SBF2: variants seen among roughly 807,000 people sequenced by gnomAD.
SBF2 encodes the protein myotubularin-related protein 13.
Under a neutral mutation model 225.2 loss-of-function variants are expected in SBF2, and 112 were observed. That is an observed-to-expected ratio of 0.50 (90% confidence interval 0.43 to 0.58). The LOEUF (loss-of-function observed/expected upper bound fraction) is 0.58, where lower values mean the gene tolerates loss of function less well. Ranked by LOEUF, SBF2 falls within the 20% of genes least tolerant of loss-of-function variation. The pLI is 0.00. For synonymous variants in SBF2, 763 were observed against 773.3 expected, an observed-to-expected ratio of 0.99 and a Z score of 0.22; for missense variants, 1,996 against 2,206.2, an observed-to-expected ratio of 0.90 and a Z score of 1.91.
intron 2 of SBF2, among the ~76,000 whole-genome samples, chr11:10,058,616 C>G (rs900829757): frequency 1.5e-4 from 23 of 152,192 alleles, no homozygotes; most frequent in African/African-American, 5.5e-4. Flanking sequence ...TGAAAACTTC[C>G]CCAACCTTGT....
At chr11:9,916,751 A>T (rs1190256399) in intron 16 of SBF2, among the ~76,000 whole-genome samples, 1 of 151,844 alleles carries the variant, frequency 6.6e-6, no homozygotes, top group Non-Finnish European at 1.5e-5. Flanking sequence ...CATCTGGCTA[A>T]TTTTTAAATT....
At chr11:9,808,765 C>A in intron 31 of SBF2, 136 bp downstream of exon 31, 1 of 671,444 alleles carries the variant, frequency 1.5e-6, no homozygotes, top group Non-Finnish European at 2.6e-6. Context: ...TGATGGATAC[C>A]AGGTGCTGTT....
chr11:9,917,624 G>A lies in SBF2; in HGVS notation c.1861-21613C>T, dbSNP rs554495113. ...TGGGATTACAGGCATGAGCCACTGC[G>A]CCCAGCCACAAGTTTTTATTATTCT... On this transcript the variant is annotated intron_variant, in intron 16 of 39. Coordinates refer to ENST00000256190, the MANE Select transcript of SBF2 (RefSeq NM_030962.4). Among the ~76,000 whole-genome samples, 36 of 151,616 alleles carry A rather than the reference G, an allele frequency of 2.4e-4. 4 individuals carry two copies. Among genetic ancestry groups the A allele is most frequent in the African/African-American group, 8.5e-4 (35 of 41,046 alleles).
At chr11:9,942,901 GAGAAAGAAAGAA>G (rs1183181431) in intron 16 of SBF2, among the ~76,000 whole-genome samples, 53 of 101,380 alleles carry the variant, frequency 5.2e-4, no homozygotes, top group African/African-American at 1.7e-3. Context: ...AAGAGAGAGA[GAGAAAGAAAGAA>G]AGAAAGAAAG....
rs147947455 is a variant in SBF2, at chr11:10,011,635, CTT to C, written c.620-8948_620-8947del. 4.3e-3 allele frequency among the ~76,000 whole-genome samples: 657 copies of C among 152,272 alleles called. 18 individuals are homozygous for C. In the East Asian group the frequency reaches 0.062, roughly 14 times the overall value. ...AGACAGTTTTGCCAGTGACAGAATTCTTGTTTGGTATTTTTTTCTTTCAGTGC... is the reference window on the plus strand; with the variant it reads ...AGACAGTTTTGCCAGTGACAGAATTCGTTTGGTATTTTTTTCTTTCAGTGC... On this transcript the variant is annotated intron_variant, in intron 6 of 39. Transcript: ENST00000256190.
chr11:9,842,838 A>T, intron 24 of SBF2, 68 bp from the exon 25 acceptor site: 2 of 1,506,000 alleles, frequency 1.3e-6, no homozygotes, highest in Non-Finnish European at 1.8e-6. Context: ...GTTGACACCT[A>T]CTTAGCTCAA....
At chr11:9,871,279 G>A (rs1387072385) in intron 17 of SBF2, among the ~76,000 whole-genome samples, 1 of 151,412 alleles carries the variant, frequency 6.6e-6, no homozygotes, top group Non-Finnish European at 1.5e-5. Flanking sequence ...GAGTCTACAA[G>A]GAACTTAAGT....
intron 16 of SBF2, among the ~76,000 whole-genome samples, chr11:9,936,497 T>C (rs1207702640): frequency 1.3e-5 from 2 of 152,210 alleles, no homozygotes; most frequent in Non-Finnish European, 2.9e-5. Context: ...TAAAGACACA[T>C]GCACATGTAT....
At chr11:9,818,164 C>T (rs1013803056) in intron 28 of SBF2, among the ~76,000 whole-genome samples, 2 of 152,172 alleles carry the variant, frequency 1.3e-5, no homozygotes. Flanking sequence ...AGGCTGGTCT[C>T]GAACTCCCGA....
chr11:10,026,682 T>C (rs1297450510), intron 6 of SBF2, among the ~76,000 whole-genome samples: 1 of 152,152 alleles, frequency 6.6e-6, no homozygotes, highest in South Asian at 2.1e-4. Flanking sequence ...GGGGCTGTAG[T>C]AAGCTGTGTT....
intron 1 of SBF2, among the ~76,000 whole-genome samples, chr11:10,272,817 T>G (rs1962620586): frequency 6.6e-6 from 1 of 151,700 alleles, no homozygotes; most frequent in African/African-American, 2.4e-5. Context: ...CCGCCTGTAA[T>G]CCCAGCACTT....
chr11:9,943,078 T>C (rs548403296), intron 16 of SBF2, among the ~76,000 whole-genome samples: 1 of 151,996 alleles, frequency 6.6e-6, no homozygotes, highest in African/African-American at 2.4e-5. Context: ...CTGAATGGAG[T>C]CACATATTTA....
intron 2 of SBF2, among the ~76,000 whole-genome samples, chr11:10,139,032 T>G (rs568307345): frequency 2.0e-5 from 3 of 151,846 alleles, no homozygotes; most frequent in African/African-American, 7.3e-5. Context: ...TGTAAGAAAC[T>G]AACTCATATA....
chr11:9,921,698 G>A (rs1407006961), intron 16 of SBF2, among the ~76,000 whole-genome samples: 1 of 149,042 alleles, frequency 6.7e-6, no homozygotes, highest in Non-Finnish European at 1.5e-5. Flanking sequence ...AAATATGCTT[G>A]TGTTACTTAC....
chr11:9,980,365 G>T (rs1022674488), intron 13 of SBF2, among the ~76,000 whole-genome samples: 4 of 149,416 alleles, frequency 2.7e-5, no homozygotes, highest in Non-Finnish European at 5.9e-5. Context: ...CGAACTCCTA[G>T]CCCCAAGCAA....
chr11:10,225,745 A>C (rs553496508), intron 1 of SBF2, among the ~76,000 whole-genome samples: 6 of 152,278 alleles, frequency 3.9e-5, no homozygotes, highest in African/African-American at 1.4e-4. Flanking sequence ...ACGGGAAATT[A>C]TTCTGACTTC....
chr11:9,832,450 G>A, intron 26 of SBF2, 30 bp from the exon 27 acceptor site: 4 of 1,533,952 alleles, frequency 2.6e-6, no homozygotes, highest in East Asian at 2.2e-5. Flanking sequence ...AGAAGAGAAT[G>A]ATTGGGGGAA....
intron 17 of SBF2, among the ~76,000 whole-genome samples, chr11:9,870,296 T>C (rs1021306618): frequency 3.3e-5 from 5 of 152,150 alleles, no homozygotes; most frequent in African/African-American, 1.2e-4. Context: ...AATTTATAGA[T>C]TCAATGCTAT....
chr11:10,203,380 T>C (rs1447387692), intron 1 of SBF2, among the ~76,000 whole-genome samples: 6 of 152,234 alleles, frequency 3.9e-5, no homozygotes, highest in East Asian at 1.9e-4. Flanking sequence ...GAGGGTATTA[T>C]TGCCTCAGTG....
Sources: allele counts gnomAD v4.1 joint callset (sites outside exome capture counted in the v4.1 genomes callset), GRCh38; gene constraint gnomAD v4.1.1; transcripts MANE v1.5; gene names NCBI Gene and HGNC (gene_info 2026-07-23, HGNC 2026-07-21).